The following DIAPH3 variants were observed in gnomAD, a reference collection of about 807,000 sequenced individuals.
DIAPH3 encodes the protein diaphanous related formin 3, also known as protein diaphanous homolog 3.
In DIAPH3, 117 loss-of-function variants were observed where a neutral mutation model predicts 144.3. That is an observed-to-expected ratio of 0.81 (90% CI 0.70 to 0.95). The LOEUF (loss-of-function observed/expected upper bound fraction) is 0.95. Among genes scored for constraint, DIAPH3 ranks in the 40% least tolerant of loss-of-function variants. DIAPH3 has a pLI of 0.00. For synonymous variants in DIAPH3, 519 were observed against 488.9 expected (o/e 1.06, Z -0.81); for missense variants, 1,421 against 1,412.7 (o/e 1.01, Z -0.09).
At chr13:59,920,674 T>C (rs77976563) in intron 18 of DIAPH3, among the ~76,000 whole-genome samples, 2,874 of 151,772 alleles carry the variant, frequency 0.019, 86 homozygotes, top group African/African-American at 0.065. Context: ...TTTTCAGCAA[T>C]AAAACAGTCA....
At chr13:60,068,586 T>C (rs2057068281) in intron 4 of DIAPH3, among the ~76,000 whole-genome samples, 1 of 152,156 alleles carries the variant, frequency 6.6e-6, no homozygotes, top group African/African-American at 2.4e-5. Context: ...GATGTACAGA[T>C]TATTTTGCCA....
chr13:59,974,439 G>T lies in DIAPH3; in HGVS notation c.1563C>A (p.Thr521=). The T allele has an allele frequency of 1.2e-6, 2 of 1,607,582 alleles. No homozygotes were observed. The change falls in exon 15 of 28, where the codon ACC becomes ACA. Residue 521 remains threonine (T), a synonymous_variant. Transcript: ENST00000400324. ...ATTCAGCCTGAGTTTCTTGGTGGTC[G>T]GTAAACTCTTTTTCAAACTGAAACA... ...ELYKKFEKEF[T]DHQETQAELQ...
rs898572385 is a variant in DIAPH3, at chr13:59,991,334, T to C, written c.1245-60A>G. 2.9e-5 allele frequency: 34 copies of C among 1,173,902 alleles called. 1 individual carries two copies. Among genetic ancestry groups the C allele is most frequent in the South Asian group, 1.6e-4 (13 of 81,670 alleles). The allele number at this position is 1,173,902 out of a possible 1,614,324, so 72.7% of individuals were successfully genotyped here. A position where few individuals can be genotyped will look rare whatever the true frequency, so the allele number is the denominator to read the frequency against. ...ACTCTACACCAAACAACTATAATAA[T>C]ATGACAGAATTTGTCCTGTAAGGTT... On this transcript the variant is annotated intron_variant, in intron 11 of 27. Transcript: ENST00000400324.
intron 24 of DIAPH3, among the ~76,000 whole-genome samples, chr13:59,829,973 A>G (rs1313706201): frequency 6.6e-6 from 1 of 151,944 alleles, no homozygotes; most frequent in East Asian, 1.9e-4. Context: ...ATGCCAGTGG[A>G]TGAATAAACA....
At chr13:60,126,712 C>T (rs938368855) in intron 2 of DIAPH3, among the ~76,000 whole-genome samples, 5 of 151,986 alleles carry the variant, frequency 3.3e-5, no homozygotes, top group South Asian at 2.1e-4. Flanking sequence ...TCTCTGACCA[C>T]GAGGGAACTA....
intron 4 of DIAPH3, among the ~76,000 whole-genome samples, chr13:60,075,967 G>A (rs2141374382): frequency 6.6e-6 from 1 of 152,336 alleles, no homozygotes; most frequent in South Asian, 2.1e-4. Context: ...TGCATAAACT[G>A]TCCCTATTGG....
chr13:59,847,836 A>AT (rs2042733922), intron 22 of DIAPH3, among the ~76,000 whole-genome samples: 2 of 152,076 alleles, frequency 1.3e-5, no homozygotes, highest in South Asian at 4.1e-4. Context: ...AAAAGTCCAA[A>AT]TTTTTTCTCA....
intron 24 of DIAPH3, among the ~76,000 whole-genome samples, chr13:59,825,571 A>C (rs1319736543): frequency 6.6e-6 from 1 of 152,168 alleles, no homozygotes; most frequent in Non-Finnish European, 1.5e-5. Context: ...TGGCTGGGTC[A>C]AATGGTATTT....
chr13:60,003,834 C>T (rs2052683771), intron 9 of DIAPH3, among the ~76,000 whole-genome samples: 1 of 152,128 alleles, frequency 6.6e-6, no homozygotes, highest in Non-Finnish European at 1.5e-5. Flanking sequence ...TCTGTCTCGG[C>T]CTCCCAAAGT....
intron 22 of DIAPH3, among the ~76,000 whole-genome samples, chr13:59,841,311 C>A (rs1196796640): frequency 6.6e-6 from 1 of 152,084 alleles, no homozygotes; most frequent in Non-Finnish European, 1.5e-5. Flanking sequence ...CAAAAGCAAG[C>A]TGGGCATGGT....
intron 4 of DIAPH3, chr13:60,044,266 C>T (rs760983251): frequency 1.3e-5 from 2 of 152,116 alleles, no homozygotes; most frequent in Non-Finnish European, 2.9e-5. Context: ...GTACGAAATT[C>T]GGTGTTTTTC....
intron 17 of DIAPH3, among the ~76,000 whole-genome samples, chr13:59,966,447 A>G (rs1275787489): frequency 2.0e-5 from 3 of 152,106 alleles, no homozygotes; most frequent in Non-Finnish European, 4.4e-5. Context: ...GATACACTAA[A>G]GATTAAACAA....
At chr13:60,160,345 C>G (rs1009796846) in intron 1 of DIAPH3, among the ~76,000 whole-genome samples, 23 of 152,242 alleles carry the variant, frequency 1.5e-4, no homozygotes, top group African/African-American at 5.3e-4. Context: ...ACACTGAAGT[C>G]TGTGAGAACT....
chr13:60,124,920 C>T (rs1365508094), intron 2 of DIAPH3, among the ~76,000 whole-genome samples: 1 of 152,082 alleles, frequency 6.6e-6, no homozygotes, highest in Non-Finnish European at 1.5e-5. Context: ...ACTTAAATGG[C>T]ATTATAATGC....
At chr13:59,976,686 A>G (rs890365915) in intron 14 of DIAPH3, among the ~76,000 whole-genome samples, 27 of 151,744 alleles carry the variant, frequency 1.8e-4, no homozygotes, top group South Asian at 6.2e-4. Context: ...ATGGCATTCT[A>G]TAGGACTCTT....
chr13:59,754,574 A>G (rs2037165148), intron 27 of DIAPH3, among the ~76,000 whole-genome samples: 1 of 152,198 alleles, frequency 6.6e-6, no homozygotes, highest in Admixed American at 6.5e-5. Flanking sequence ...ATGATCTGCA[A>G]AAGCACCCTT....
At chr13:59,705,412 C>T (rs7986704) in intron 27 of DIAPH3, among the ~76,000 whole-genome samples, 16,468 of 152,176 alleles carry the variant, frequency 0.11, 1,309 homozygotes, top group African/African-American at 0.21. Context: ...TCTGTAGCAT[C>T]TTTGTTTTCA....
intron 22 of DIAPH3, among the ~76,000 whole-genome samples, chr13:59,842,930 G>C (rs1451650786): frequency 6.6e-6 from 1 of 152,088 alleles, no homozygotes; most frequent in Non-Finnish European, 1.5e-5. Flanking sequence ...ACCTCTTTCA[G>C]TCTTTATTGA....
chr13:59,929,488 A>G (rs894576952), intron 17 of DIAPH3, among the ~76,000 whole-genome samples: 7 of 149,442 alleles, frequency 4.7e-5, no homozygotes, highest in Non-Finnish European at 8.9e-5. Flanking sequence ...CTTAAGTACT[A>G]TAGATTTATG....
Sources: allele counts gnomAD v4.1 joint callset (sites outside exome capture counted in the v4.1 genomes callset), GRCh38; gene constraint gnomAD v4.1.1; transcripts MANE v1.5; gene names NCBI Gene and HGNC (gene_info 2026-07-23, HGNC 2026-07-21).